CTNND2: variants seen among roughly 807,000 people sequenced by gnomAD.
CTNND2 encodes the protein catenin delta-2.
In CTNND2, 22 loss-of-function variants were observed where a neutral mutation model predicts 144.4. The ratio of observed to expected loss-of-function variants is 0.15; its 90% CI spans 0.11 to 0.22. The LOEUF is 0.22. Ranked by LOEUF, CTNND2 falls within the 10% of genes least tolerant of loss-of-function variation. CTNND2 has a pLI of 1.00. For synonymous variants in CTNND2, 751 were observed against 695.6 expected, an observed-to-expected ratio of 1.08 and a Z score of -1.25; for missense variants, 1,353 against 1,618.8, an observed-to-expected ratio of 0.84 and a Z score of 2.82.
In CTNND2 at chr5:11,275,057, T is replaced by C. The variant is rs1014155885; in HGVS notation, c.1629-38234A>G. Reference sequence around the variant, plus strand: ...GAGGAGATGATTCAAATTCTCTCCATAGATAAACTTATGCAGGTTAATGCG... The same window carrying C: ...GAGGAGATGATTCAAATTCTCTCCACAGATAAACTTATGCAGGTTAATGCG... On this transcript the variant is annotated intron_variant, in intron 9 of 21. Coordinates refer to ENST00000304623, the MANE Select transcript of CTNND2 (RefSeq NM_001332.4). Among the ~76,000 whole-genome samples the C allele has an allele frequency of 9.9e-5, 15 of 152,134 alleles. 1 individual carries two copies. The highest frequency in any genetic ancestry group is 1.8e-4 in the Non-Finnish European group (12 of 68,022).
Position 11,386,877 on chromosome 5 carries a change from G to A in CTNND2, c.613-1648C>T, listed in dbSNP as rs140271591. On this transcript the variant is annotated intron_variant, in intron 6 of 21. Transcript: ENST00000304623. ...TGGAGGATGGGTAACGAACACTACA[G>A]ATGTGGGTGTGCTTACTCTGAGCCC... 2.9e-3 allele frequency among the ~76,000 whole-genome samples: 442 copies of A among 152,252 alleles called. 1 individual carries two copies. The highest frequency in any genetic ancestry group is 0.017 in the Middle Eastern group (5 of 294).
intron 16 of CTNND2, among the ~76,000 whole-genome samples, chr5:11,045,145 T>C (rs1342369488): frequency 6.6e-6 from 1 of 152,202 alleles, no homozygotes; most frequent in Non-Finnish European, 1.5e-5. Context: ...ATTTACTGGA[T>C]TGGGGCTGTG....
At chr5:11,070,437 A>G (rs1334473200) in intron 16 of CTNND2, among the ~76,000 whole-genome samples, 3 of 152,232 alleles carry the variant, frequency 2.0e-5, no homozygotes, top group Non-Finnish European at 4.4e-5. Flanking sequence ...GTGAAAAAGA[A>G]CAATAAAAAA....
chr5:11,258,156 C>T (rs987636489), intron 9 of CTNND2, among the ~76,000 whole-genome samples: 1 of 152,140 alleles, frequency 6.6e-6, no homozygotes, highest in African/African-American at 2.4e-5. Context: ...TTTCTTCTAA[C>T]CAATCCCAGA....
intron 1 of CTNND2, among the ~76,000 whole-genome samples, chr5:11,895,744 A>G (rs1222987185): frequency 6.6e-6 from 1 of 152,228 alleles, no homozygotes; most frequent in Non-Finnish European, 1.5e-5. Flanking sequence ...GACAAACAAT[A>G]TAAATCAATT....
intron 16 of CTNND2, among the ~76,000 whole-genome samples, chr5:11,068,810 G>T (rs533341845): frequency 2.0e-5 from 3 of 152,192 alleles, no homozygotes; most frequent in Non-Finnish European, 4.4e-5. Flanking sequence ...CCAGCTATGT[G>T]GGGGGCTGGG....
At chr5:11,425,303 T>G (rs1193823535) in intron 3 of CTNND2, among the ~76,000 whole-genome samples, 2 of 152,218 alleles carry the variant, frequency 1.3e-5, no homozygotes, top group Non-Finnish European at 2.9e-5. Context: ...AGTGCCAATC[T>G]GCTTCCAGCC....
intron 1 of CTNND2, among the ~76,000 whole-genome samples, chr5:11,837,149 G>A (rs1463073625): frequency 1.3e-5 from 2 of 152,160 alleles, no homozygotes; most frequent in East Asian, 3.9e-4. Context: ...GAGAACACAT[G>A]TCCGTTAAAG....
chr5:11,185,163 C>CCATTTCAAATG (rs1308150205), intron 11 of CTNND2, among the ~76,000 whole-genome samples: 4 of 152,200 alleles, frequency 2.6e-5, no homozygotes, highest in African/African-American at 9.7e-5. Flanking sequence ...TCTTTAAAAC[C>CCATTTCAAATG]CATTTCAAAT....
intron 9 of CTNND2, among the ~76,000 whole-genome samples, chr5:11,295,031 G>A (rs910854840): frequency 1.3e-5 from 2 of 152,302 alleles, no homozygotes; most frequent in African/African-American, 2.4e-5. Flanking sequence ...AGGAAAAGAC[G>A]AAGTCAAATT....
chr5:11,139,709 G>A (rs1287730174), intron 12 of CTNND2, among the ~76,000 whole-genome samples: 1 of 152,224 alleles, frequency 6.6e-6, no homozygotes, highest in Non-Finnish European at 1.5e-5. Context: ...CTGCCTGAAG[G>A]CATCTGCTAG....
At chr5:11,117,647 G>T in intron 12 of CTNND2, 80 bp from the exon 13 acceptor site, 2 of 1,114,160 alleles carry the variant, frequency 1.8e-6, no homozygotes, top group Admixed American at 1.8e-5. Context: ...TGCTCTCATA[G>T]TTTGAAAGTA....
Position 11,355,945 on chromosome 5 carries a change from A to G in CTNND2, c.1372+8751T>C, listed in dbSNP as rs191195278. 2.0e-4 allele frequency among the ~76,000 whole-genome samples: 31 copies of G among 152,234 alleles called. No homozygotes were observed. In the East Asian group the frequency reaches 5.6e-3, roughly 27 times the overall value. The stretch of plus-strand genomic sequence containing the variant: ...TCAGGAAAATAATTCTATTTATAAT[A>G]TTAATAGCTACAAAAATTAGATATG... On this transcript the variant is annotated intron_variant, in intron 8 of 21. Coordinates refer to ENST00000304623, the MANE Select transcript of CTNND2 (RefSeq NM_001332.4).
chr5:11,156,498 AGTTTTATTTTCTTGGAT>A (rs998279010), intron 12 of CTNND2, among the ~76,000 whole-genome samples: 1 of 152,206 alleles, frequency 6.6e-6, no homozygotes, highest in African/African-American at 2.4e-5. Flanking sequence ...CTAGGAAAAG[AGTTTTATTTTCTTGGAT>A]GTTTTATTTT....
intron 12 of CTNND2, among the ~76,000 whole-genome samples, chr5:11,121,502 G>A (rs1163019376): frequency 6.6e-6 from 1 of 152,130 alleles, no homozygotes; most frequent in African/African-American, 2.4e-5. Context: ...TGACTGAATT[G>A]TCAGTTGCTA....
chr5:11,582,863 C>T (rs914647620), intron 2 of CTNND2, among the ~76,000 whole-genome samples: 5 of 152,240 alleles, frequency 3.3e-5, no homozygotes, highest in East Asian at 1.9e-4. Flanking sequence ...TAGAATGCGT[C>T]GGTGCTAGCA....
At chr5:11,478,830 T>C (rs924893358) in intron 3 of CTNND2, among the ~76,000 whole-genome samples, 2 of 152,118 alleles carry the variant, frequency 1.3e-5, no homozygotes, top group African/African-American at 2.4e-5. Flanking sequence ...ATAAAGAAAT[T>C]CATCAATTAT....
At chr5:11,416,363 C>T (rs1279083854) in intron 3 of CTNND2, among the ~76,000 whole-genome samples, 1 of 152,184 alleles carries the variant, frequency 6.6e-6, no homozygotes, top group East Asian at 1.9e-4. Flanking sequence ...CAGGCAACTT[C>T]CTTTTGGGCA....
At chr5:11,175,304 C>T (rs1261950079) in intron 11 of CTNND2, among the ~76,000 whole-genome samples, 1 of 151,972 alleles carries the variant, frequency 6.6e-6, no homozygotes, top group Non-Finnish European at 1.5e-5. Context: ...ATAAAATACA[C>T]ATGGTAATAT....
Sources: allele counts gnomAD v4.1 joint callset (sites outside exome capture counted in the v4.1 genomes callset), GRCh38; gene constraint gnomAD v4.1.1; transcripts MANE v1.5; gene names NCBI Gene and HGNC (gene_info 2026-07-23, HGNC 2026-07-21).